FGF14: variants seen among roughly 807,000 people sequenced by gnomAD.
The protein encoded by FGF14 is fibroblast growth factor homologous factor 4.
FGF14 carries 5 observed loss-of-function variants against 25.5 expected under a neutral mutation model. The ratio of observed to expected loss-of-function variants is 0.20; its 90% CI spans 0.10 to 0.41. The LOEUF (loss-of-function observed/expected upper bound fraction) is 0.41. Among genes scored for constraint, FGF14 ranks in the 10% least tolerant of loss-of-function variants. The pLI is 1.00. For missense variants in FGF14, 222 were observed against 320.1 expected (o/e 0.69, Z 2.34); for synonymous variants, 138 against 118.3 (o/e 1.17, Z -1.08).
At chr13:102,279,350 T>C (rs1324835844) in intron 1 of FGF14, among the ~76,000 whole-genome samples, 3 of 152,200 alleles carry the variant, frequency 2.0e-5, no homozygotes, top group African/African-American at 7.2e-5. Flanking sequence ...CTATTTCTTA[T>C]TGTTGAAGGT....
Position 101,715,895 on chromosome 13 carries a change from G to A in FGF14, c.*6936C>T. The A allele has an allele frequency of 5.0e-6, 2 of 403,368 alleles. No individual in the cohort carries two copies. Among genetic ancestry groups the A allele is most frequent in the Non-Finnish European group, 9.1e-6 (2 of 219,906 alleles). 25.0% of individuals were successfully genotyped at this position (403,368 alleles called of 1,614,324 possible). ...TTAACATAAGTGGTTCCTAACGAGA[G>A]CAATTTTTCCACCCAAAAGTCATTT... On this transcript the variant is annotated 3_prime_UTR_variant, in exon 5 of 5. Transcript: ENST00000376143.
At chr13:102,084,133 C>G (rs758686499) in intron 1 of FGF14, among the ~76,000 whole-genome samples, 8 of 152,116 alleles carry the variant, frequency 5.3e-5, no homozygotes, top group Non-Finnish European at 1.2e-4. Flanking sequence ...TGAAGTCCCT[C>G]ATAATTGCTA....
At chr13:102,155,692 A>G (rs1211541512) in intron 1 of FGF14, among the ~76,000 whole-genome samples, 1 of 151,574 alleles carries the variant, frequency 6.6e-6, no homozygotes, top group African/African-American at 2.4e-5. Flanking sequence ...TAGAGACAGA[A>G]AAACCCTTCA....
At chr13:102,390,205 T>C (rs1339171731) in intron 1 of FGF14, among the ~76,000 whole-genome samples, 1 of 152,012 alleles carries the variant, frequency 6.6e-6, no homozygotes, top group Non-Finnish European at 1.5e-5. Context: ...AGGAACAGAA[T>C]GGAAATAAGA....
chr13:101,887,800 T>A (rs556729982), intron 1 of FGF14, among the ~76,000 whole-genome samples: 1 of 152,318 alleles, frequency 6.6e-6, no homozygotes, highest in African/African-American at 2.4e-5. Flanking sequence ...GTTACCCTGA[T>A]TTGATCATTA....
intron 1 of FGF14, among the ~76,000 whole-genome samples, chr13:102,216,572 A>C (rs2050381221): frequency 6.6e-6 from 1 of 152,232 alleles, no homozygotes; most frequent in African/African-American, 2.4e-5. Context: ...GTGGGGTACA[A>C]CATGATGTTT....
chr13:102,249,578 A>C (rs370577986), intron 1 of FGF14, among the ~76,000 whole-genome samples: 1 of 130,956 alleles, frequency 7.6e-6, no homozygotes, highest in East Asian at 2.2e-4. Context: ...GTGTGTGTGT[A>C]CGCGCACACA....
intron 1 of FGF14, among the ~76,000 whole-genome samples, chr13:102,341,055 G>A (rs535256995): frequency 9.2e-5 from 14 of 152,202 alleles, no homozygotes; most frequent in African/African-American, 3.4e-4. Flanking sequence ...AAGCTTCAAG[G>A]AGGAGGTGCC....
intron 3 of FGF14, among the ~76,000 whole-genome samples, chr13:101,860,444 T>C (rs2044356568): frequency 6.6e-6 from 1 of 152,046 alleles, no homozygotes; most frequent in Admixed American, 6.6e-5. Context: ...ATTTATAAAT[T>C]ATAATAATAG....
intron 1 of FGF14, among the ~76,000 whole-genome samples, chr13:102,320,966 C>T (rs1027932819): frequency 6.6e-5 from 10 of 152,102 alleles, no homozygotes; most frequent in African/African-American, 2.2e-4. Flanking sequence ...TCAAAATAGC[C>T]TCTCTCTAAT....
At position 102,320,432 on chromosome 13, in the gene FGF14, G is replaced by A. The variant is rs568163302; in HGVS notation, c.208+81039C>T. Among the ~76,000 whole-genome samples, 454 of 152,318 alleles carry A rather than the reference G, an allele frequency of 3.0e-3. 1 individual carries two copies. The highest frequency in any genetic ancestry group is 0.01 in the Middle Eastern group (3 of 294). On this transcript the variant is annotated intron_variant, in intron 1 of 4. Coordinates refer to the FGF14 transcript ENST00000376131. ...CCCTGGCATGCATTCAGTTGGTGCT[G>A]CACTGGAGTTGCCATATGACTGCAT...
intron 3 of FGF14, among the ~76,000 whole-genome samples, chr13:101,811,341 T>G (rs753133661): frequency 3.3e-5 from 5 of 152,214 alleles, no homozygotes; most frequent in African/African-American, 1.2e-4. Flanking sequence ...CTTTCCAGAA[T>G]GTCATATAGT....
chr13:101,719,173 T>TCTAA lies in FGF14; in HGVS notation c.*3654_*3657dup, dbSNP rs1215418767. Reference sequence around the variant, plus strand: ...ATAATTTTAAATGAAGTGATACGTGTCTAACTTACTTAAAGAATAAGTTTT... The same window carrying TCTAA: ...ATAATTTTAAATGAAGTGATACGTGTCTAACTAACTTACTTAAAGAATAAGTTTT... On this transcript the variant is annotated 3_prime_UTR_variant, in exon 5 of 5. Coordinates refer to ENST00000376143, the MANE Select transcript of FGF14 (RefSeq NM_004115.4). 1.1e-4 allele frequency: 17 copies of TCTAA among 152,174 alleles called. No individual in the cohort carries two copies. The highest frequency in any genetic ancestry group is 3.9e-4 in the East Asian group (2 of 5,192). The allele number at this position is 152,174 out of a possible 1,614,324, so 9.4% of individuals were successfully genotyped here.
chr13:102,222,535 C>G (rs754749460), intron 1 of FGF14, among the ~76,000 whole-genome samples: 4 of 152,206 alleles, frequency 2.6e-5, no homozygotes, highest in Non-Finnish European at 5.9e-5. Context: ...CTAGTTATTA[C>G]AGAGAAGGGC....
intron 1 of FGF14, among the ~76,000 whole-genome samples, chr13:102,067,415 G>C (rs893220415): frequency 1.3e-5 from 2 of 151,730 alleles, no homozygotes; most frequent in Non-Finnish European, 2.9e-5. Flanking sequence ...GATGTAATGA[G>C]ATGCTTTCTT....
At chr13:102,175,204 G>A (rs1339591900) in intron 1 of FGF14, among the ~76,000 whole-genome samples, 1 of 152,070 alleles carries the variant, frequency 6.6e-6, no homozygotes, top group South Asian at 2.1e-4. Flanking sequence ...ATACTACAAG[G>A]CTATAGTAAC....
intron 1 of FGF14, among the ~76,000 whole-genome samples, chr13:102,178,572 A>G (rs2048538970): frequency 6.6e-6 from 1 of 151,980 alleles, no homozygotes; most frequent in South Asian, 2.1e-4. Flanking sequence ...TCTAATGCCT[A>G]TTATTCTATA....
At position 102,339,547 on chromosome 13, in the gene FGF14, A is replaced by G. The variant is rs980548914; in HGVS notation, c.208+61924T>C. Among the ~76,000 whole-genome samples, 3 of 152,290 alleles carry G rather than the reference A, an allele frequency of 2.0e-5. 1 individual carries two copies. Reference sequence around the variant, plus strand: ...AATTCCAAGGGGTGAGGTGAGAGCAAAGGTCCCATACAAAGGATTTTTTTA... The same window carrying G: ...AATTCCAAGGGGTGAGGTGAGAGCAGAGGTCCCATACAAAGGATTTTTTTA... On this transcript the variant is annotated intron_variant, in intron 1 of 4. Coordinates refer to the FGF14 transcript ENST00000376131.
At chr13:101,724,631 T>A (rs1004748780) in intron 4 of FGF14, among the ~76,000 whole-genome samples, 5 of 109,138 alleles carry the variant, frequency 4.6e-5, no homozygotes, top group African/African-American at 1.7e-4. Flanking sequence ...TATATATATA[T>A]AAAACAAAGA....
Sources: gnomAD v4.1 joint callset for allele counts (sites outside exome capture counted in the v4.1 genomes callset) on GRCh38, gnomAD v4.1.1 for gene constraint, MANE v1.5 for transcripts, NCBI Gene and HGNC (gene_info 2026-07-23, HGNC 2026-07-21) for gene names.